Variants in SPTLC1 observed in about 807,000 individuals in gnomAD.
The protein encoded by SPTLC1 is serine palmitoyltransferase 1.
A neutral mutation model predicts 68.9 loss-of-function variants in SPTLC1; 55 were observed. That is an observed-to-expected ratio of 0.80 (90% CI 0.64 to 1.00). SPTLC1 has a LOEUF of 1.00. Ranked by LOEUF, SPTLC1 falls within the 50% of genes least tolerant of loss-of-function variation. The probability of loss-of-function intolerance (pLI) is 0.00; values close to 1 mark genes in which losing one functional copy is unlikely to be tolerated. For synonymous variants in SPTLC1, 197 were observed against 201.6 expected (o/e 0.98, Z 0.19); for missense variants, 449 against 573.1 (o/e 0.78, Z 2.21).
At chr9:92,047,317 G>C in intron 10 of SPTLC1, 49 bp from the exon 11 acceptor site, 4 of 1,504,316 alleles carry the variant, frequency 2.7e-6, no homozygotes, top group Non-Finnish European at 3.7e-6. Flanking sequence ...TCCTTTCTAG[G>C]TAAACATTTG....
rs1000138954 is a variant in SPTLC1 at position 92,031,489 on chromosome 9, G to A, written c.*976C>T. ...CTAAAGAAAAAACAGGTAAAGTACT[G>A]CTTAAAAATGGTATTTTTAGTGCTT... On this transcript the variant is annotated 3_prime_UTR_variant, in exon 15 of 15. Coordinates refer to ENST00000262554, the MANE Select transcript of SPTLC1 (RefSeq NM_006415.4). 1 of 152,204 alleles carries A rather than the reference G, an allele frequency of 6.6e-6. No individual in the cohort carries two copies. Among genetic ancestry groups the A allele is most frequent in the Admixed American group, 6.5e-5 (1 of 15,282 alleles). 9.4% of individuals were successfully genotyped at this position (152,204 alleles called of 1,614,324 possible).
intron 3 of SPTLC1, among the ~76,000 whole-genome samples, chr9:92,094,124 G>A (rs915078826): frequency 1.1e-4 from 16 of 152,302 alleles, no homozygotes; most frequent in African/African-American, 3.8e-4. Context: ...TCTTAACCAA[G>A]TCTTTAAGAA....
At chr9:92,075,871 C>T (rs1438340691) in intron 5 of SPTLC1, among the ~76,000 whole-genome samples, 1 of 152,198 alleles carries the variant, frequency 6.6e-6, no homozygotes, top group Non-Finnish European at 1.5e-5. Context: ...CTAATCCACA[C>T]AACTGTATTT....
intron 5 of SPTLC1, 174 bp downstream of exon 5, chr9:92,079,842 A>G (rs1037137574): frequency 2.9e-6 from 2 of 692,956 alleles, no homozygotes; most frequent in Non-Finnish European, 5.2e-6. Flanking sequence ...TTTTGTAGAG[A>G]CAGGGTCTCC....
Position 92,105,460 on chromosome 9 carries a change from T to G in SPTLC1, c.260+3280A>C. The G allele has an allele frequency of 3.5e-6, 4 of 1,137,416 alleles. No individual in the cohort carries two copies. The South Asian group carries it at 5.8e-5, about 17-fold the overall frequency. The allele number at this position is 1,137,416 out of a possible 1,614,324, so 70.5% of individuals were successfully genotyped here. On this transcript the variant is annotated intron_variant, in intron 3 of 14. Transcript: ENST00000262554. ...GTGGCCCACGCCTGTAATCCAGCAC[T>G]TTGGGAGGCCCAGGCGGGTGGATCA...
At chr9:92,079,847 G>T (rs754686445) in intron 5 of SPTLC1, 169 bp downstream of exon 5, 9 of 701,642 alleles carry the variant, frequency 1.3e-5, no homozygotes, top group Non-Finnish European at 2.0e-5. Context: ...TAGAGACAGG[G>T]TCTCCCTATA....
At chr9:92,098,138 AC>A (rs1468527829) in intron 3 of SPTLC1, among the ~76,000 whole-genome samples, 2 of 152,092 alleles carry the variant, frequency 1.3e-5, no homozygotes, top group African/African-American at 4.8e-5. Flanking sequence ...CATCTTGGCT[AC>A]CCTGACTTGG....
chr9:92,087,261 T>C (rs929905767), intron 3 of SPTLC1, among the ~76,000 whole-genome samples: 1 of 152,252 alleles, frequency 6.6e-6, no homozygotes, highest in Non-Finnish European at 1.5e-5. Context: ...TCATTCTCCA[T>C]CCAGCTTTGT....
At position 92,046,056 on chromosome 9, in the gene SPTLC1, A is replaced by C; in HGVS notation, c.1082-3T>G. ...TTCCTTCAACACTGCAAAAATACCT[A>C]GATGAAAAAAATACGTTTGAGAGTC... On this transcript the variant is annotated splice_region_variant and splice_polypyrimidine_tract_variant and intron_variant, in intron 11 of 14. Transcript: ENST00000262554. 1 of 1,611,552 alleles carries C rather than the reference A, an allele frequency of 6.2e-7. No homozygotes were observed. Among genetic ancestry groups the C allele is most frequent in the Non-Finnish European group, 8.5e-7 (1 of 1,178,894 alleles).
chr9:92,045,524 TAAAA>T (rs71362367), intron 12 of SPTLC1, among the ~76,000 whole-genome samples: 858 of 31,562 alleles, frequency 0.027, 15 homozygotes, highest in African/African-American at 0.09. Flanking sequence ...TCTTGTGTAG[TAAAA>T]AAAAAAAAAA....
rs3996331 is a variant in SPTLC1 at position 92,105,027 on chromosome 9, C to T, written c.260+3713G>A. The T allele has an allele frequency of 8.5e-6, 13 of 1,522,596 alleles. No individual in the cohort carries two copies. The East Asian group carries it at 9.8e-5, about 11-fold the overall frequency. The allele number at this position is 1,522,596 out of a possible 1,614,324, so 94.3% of individuals were successfully genotyped here. ...GGCTGCTCCCTGTGGCCAGAGAAGG[C>T]GGCCTTGAAGGTGCTGGGTAAAGAC... On this transcript the variant is annotated intron_variant, in intron 3 of 14. Coordinates refer to ENST00000262554, the MANE Select transcript of SPTLC1 (RefSeq NM_006415.4).
intron 11 of SPTLC1, 34 bp from the exon 12 acceptor site, chr9:92,046,087 G>C: frequency 2.6e-6 from 4 of 1,566,612 alleles, no homozygotes; most frequent in East Asian, 2.2e-5. Flanking sequence ...GAGTCTATTT[G>C]AAACTTATGA....
In SPTLC1 at chr9:92,057,592, A is replaced by C. The variant is rs146771330; in HGVS notation, c.690+1587T>G. On this transcript the variant is annotated intron_variant, in intron 7 of 14. Coordinates refer to ENST00000262554, the MANE Select transcript of SPTLC1 (RefSeq NM_006415.4). ...AGGCCAGGCTATTTTTCACTTGTTC[A>C]TAGTTATGTGTATTCCTTTTATGAA... is the stretch of plus-strand genomic sequence containing the variant. 4.9e-3 allele frequency among the ~76,000 whole-genome samples: 740 copies of C among 152,334 alleles called. 8 individuals carry two copies. The highest frequency in any genetic ancestry group is 0.017 in the African/African-American group (707 of 41,576).
chr9:92,096,994 A>G (rs929173491), intron 3 of SPTLC1, among the ~76,000 whole-genome samples: 2 of 152,224 alleles, frequency 1.3e-5, no homozygotes, highest in African/African-American at 4.8e-5. Context: ...AGAACCCCCA[A>G]TTGAAAACAG....
intron 3 of SPTLC1, among the ~76,000 whole-genome samples, chr9:92,087,967 G>A (rs1349823824): frequency 2.6e-5 from 4 of 152,210 alleles, no homozygotes; most frequent in South Asian, 2.1e-4. Context: ...CCCCTCTCCC[G>A]GCCTCGCTGC....
intron 4 of SPTLC1, among the ~76,000 whole-genome samples, chr9:92,080,455 C>CCTCT (rs1287657599): frequency 6.6e-6 from 1 of 152,222 alleles, no homozygotes; most frequent in Non-Finnish European, 1.5e-5. Flanking sequence ...GAGACTCTTG[C>CCTCT]CTCTCTCTGT....
chr9:92,032,245 T>C lies in SPTLC1; in HGVS notation c.*220A>G. 1 of 1,510,138 alleles carries C rather than the reference T, an allele frequency of 6.6e-7. No individual in the cohort carries two copies. Among genetic ancestry groups the C allele is most frequent in the Non-Finnish European group, 8.8e-7 (1 of 1,133,880 alleles). The allele number at this position is 1,510,138 out of a possible 1,614,324, so 93.5% of individuals were successfully genotyped here. Reference sequence around the variant, plus strand: ...TATACACTGTCATTAGTTTTCCTCTTAAAAAAATCAGTTCCTGGGCTTTTA... The same window carrying C: ...TATACACTGTCATTAGTTTTCCTCTCAAAAAAATCAGTTCCTGGGCTTTTA... On this transcript the variant is annotated 3_prime_UTR_variant, in exon 15 of 15. Transcript: ENST00000262554.
At chr9:92,045,971 A>G (rs745749988) in intron 12 of SPTLC1, 28 bp downstream of exon 12, 1 of 1,600,272 alleles carries the variant, frequency 6.2e-7, no homozygotes, top group African/African-American at 1.4e-5. Context: ...GATAAACTTT[A>G]TGTTGGTTGA....
chr9:92,083,182 T>A (rs1834961071), intron 3 of SPTLC1, among the ~76,000 whole-genome samples: 1 of 152,074 alleles, frequency 6.6e-6, no homozygotes, highest in African/African-American at 2.4e-5. Flanking sequence ...TTCTCCCATT[T>A]TGTAGGTTGC....
Sources: gnomAD v4.1 joint callset for allele counts (sites outside exome capture counted in the v4.1 genomes callset) on GRCh38, gnomAD v4.1.1 for gene constraint, MANE v1.5 for transcripts, NCBI Gene and HGNC (gene_info 2026-07-23, HGNC 2026-07-21) for gene names.